DRC10: variants seen among roughly 807,000 people sequenced by gnomAD.
DRC10 encodes the protein IQ domain-containing protein D.
chr12:113,220,152 C>G, the DRC10 span, among the ~76,000 whole-genome samples: 1 of 151,902 alleles, frequency 6.6e-6, no homozygotes, highest in Non-Finnish European at 1.5e-5. Context: ...TCACAAGAAA[C>G]TCTCTGTCTT....
At chr12:113,212,352 A>G in the DRC10 span, among the ~76,000 whole-genome samples, 1 of 152,134 alleles carries the variant, frequency 6.6e-6, no homozygotes, top group Non-Finnish European at 1.5e-5. Context: ...TACAGGCGTG[A>G]GCCACCATGC....
chr12:113,208,340 G>A, the DRC10 span: 1 of 1,417,060 alleles, frequency 7.1e-7, no homozygotes, highest in Non-Finnish European at 9.2e-7. Flanking sequence ...CACAACTGTT[G>A]ACATCAAGAG....
chr12:113,219,639 T>C, the DRC10 span, among the ~76,000 whole-genome samples: 1 of 152,180 alleles, frequency 6.6e-6, no homozygotes, highest in Admixed American at 6.5e-5. Flanking sequence ...TTTCATTTTC[T>C]TATGAAAATA....
the DRC10 span, among the ~76,000 whole-genome samples, chr12:113,203,601 G>A: frequency 5.9e-5 from 9 of 151,400 alleles, no homozygotes; most frequent in East Asian, 2.0e-4. Context: ...TCAGCCTCCC[G>A]AGTAGCTGAG....
At chr12:113,197,004 A>G in the DRC10 span, among the ~76,000 whole-genome samples, 1 of 152,194 alleles carries the variant, frequency 6.6e-6, no homozygotes, top group African/African-American at 2.4e-5. Context: ...TCAGGTGCTC[A>G]ATAAAAACTG....
At chr12:113,208,091 G>C in the DRC10 span, 3 of 1,614,208 alleles carry the variant, frequency 1.9e-6, no homozygotes, top group Non-Finnish European at 2.5e-6. Context: ...CTTTTAGATG[G>C]GTCTGTCTTT....
chr12:113,220,018 G>A, the DRC10 span, among the ~76,000 whole-genome samples: 1 of 152,268 alleles, frequency 6.6e-6, no homozygotes, highest in Admixed American at 6.5e-5. Flanking sequence ...ATGTTGGCCA[G>A]GCTAGTCGCA....
the DRC10 span, among the ~76,000 whole-genome samples, chr12:113,211,874 T>C: frequency 6.6e-6 from 1 of 151,738 alleles, no homozygotes; most frequent in Non-Finnish European, 1.5e-5. Context: ...AAGATCAGCA[T>C]GGGCAACAAA....
the DRC10 span, among the ~76,000 whole-genome samples, chr12:113,218,229 T>C: frequency 6.6e-6 from 1 of 151,344 alleles, no homozygotes; most frequent in Non-Finnish European, 1.5e-5. Context: ...CTCTGCCTCC[T>C]GGGTTCAAGC....
At chr12:113,220,555 A>AAACAAC in the DRC10 span, among the ~76,000 whole-genome samples, 3 of 152,094 alleles carry the variant, frequency 2.0e-5, no homozygotes, top group East Asian at 1.9e-4. Context: ...TGCTCGGCAA[A>AAACAAC]AACAACAACA....
the DRC10 span, among the ~76,000 whole-genome samples, chr12:113,200,968 G>A: frequency 5.8e-4 from 89 of 152,216 alleles, no homozygotes; most frequent in Non-Finnish European, 8.8e-4. Context: ...ATGAAATCCC[G>A]TCTCTTCTAA....
chr12:113,213,617 CA>C, the DRC10 span, among the ~76,000 whole-genome samples: 1 of 152,194 alleles, frequency 6.6e-6, no homozygotes, highest in Non-Finnish European at 1.5e-5. Context: ...TAGGAAGTGA[CA>C]GGGCCTGCAC....
At chr12:113,207,198 A>C in the DRC10 span, 7 of 550,564 alleles carry the variant, frequency 1.3e-5, no homozygotes, top group Non-Finnish European at 2.3e-5. Context: ...AAATACAAAA[A>C]TTAGCCGGGC....
the DRC10 span, among the ~76,000 whole-genome samples, chr12:113,214,829 T>C: frequency 1.4e-4 from 22 of 152,314 alleles, no homozygotes; most frequent in Middle Eastern, 3.4e-3. Context: ...GTGGTTTTTT[T>C]TTTCTTTCTG....
chr12:113,207,027 T>C, the DRC10 span: 74 of 342,480 alleles, frequency 2.2e-4, 2 homozygotes, highest in Admixed American at 2.9e-3. Context: ...GCCACTGCAC[T>C]CTAGCCTGGG....
chr12:113,208,380 C>CAG, the DRC10 span: 8 of 1,363,220 alleles, frequency 5.9e-6, no homozygotes, highest in Non-Finnish European at 7.5e-6. Flanking sequence ...CGCTTTTACA[C>CAG]AGAACCTTTC....
the DRC10 span, among the ~76,000 whole-genome samples, chr12:113,203,677 T>C: frequency 2.0e-5 from 3 of 151,926 alleles, no homozygotes; most frequent in Non-Finnish European, 4.4e-5. Flanking sequence ...GGTTTCACCA[T>C]GTTGGTCAGG....
the DRC10 span, among the ~76,000 whole-genome samples, chr12:113,205,228 T>C: frequency 2.6e-5 from 4 of 151,588 alleles, no homozygotes; most frequent in Non-Finnish European, 5.9e-5. Context: ...ATGAATTTTT[T>C]TTTAAAAAAA....
chr12:113,202,371 C>T, the DRC10 span, among the ~76,000 whole-genome samples: 2 of 152,082 alleles, frequency 1.3e-5, no homozygotes, highest in African/African-American at 2.4e-5. Flanking sequence ...AAGTGCCCAA[C>T]CCAGCACCAG....
Sources: allele counts gnomAD v4.1 joint callset (sites outside exome capture counted in the v4.1 genomes callset), GRCh38; gene constraint gnomAD v4.1.1; transcripts MANE v1.5; gene names NCBI Gene and HGNC (gene_info 2026-07-23, HGNC 2026-07-21).